ARHGAP6: variants seen among roughly 807,000 people sequenced by gnomAD.
ARHGAP6 encodes the protein rho GTPase-activating protein 6.
ARHGAP6 carries 16 observed loss-of-function variants against 55.7 expected under a neutral mutation model. That is an observed-to-expected ratio of 0.29 (90% CI 0.19 to 0.44). The LOEUF is 0.44. Among genes scored for constraint, ARHGAP6 ranks in the 20% least tolerant of loss-of-function variants. ARHGAP6 has a pLI of 1.00. For synonymous variants in ARHGAP6, 382 were observed against 360.9 expected, an observed-to-expected ratio of 1.06 and a Z score of -0.66; for missense variants, 698 against 808.9, an observed-to-expected ratio of 0.86 and a Z score of 1.66.
intron 1 of ARHGAP6, among the ~76,000 whole-genome samples, chrX:11,478,094 T>C (rs761971417): frequency 2.7e-5 from 3 of 111,906 alleles, no homozygotes; most frequent in Non-Finnish European, 5.7e-5. Context: ...GGCAAAGATA[T>C]AAATAATTAG....
rs371983081 is a variant in ARHGAP6 at position 11,179,471 on chromosome X, G to T, written c.1330-19C>A. ...CACGTAACTGGAAGAACAATGGTTCGAGTGGCAGTCACATAACACCATACC... is the reference window on the plus strand; with the variant it reads ...CACGTAACTGGAAGAACAATGGTTCTAGTGGCAGTCACATAACACCATACC... On this transcript the variant is annotated intron_variant, in intron 6 of 12. Coordinates refer to ENST00000337414, the MANE Select transcript of ARHGAP6 (RefSeq NM_013427.3). The T allele has an allele frequency of 3.2e-5, 38 of 1,197,974 alleles. No individual in the cohort carries two copies. Among genetic ancestry groups the T allele is most frequent in the Middle Eastern group, 2.6e-4 (1 of 3,797 alleles).
intron 1 of ARHGAP6, among the ~76,000 whole-genome samples, chrX:11,570,227 A>G (rs1482496053): frequency 1.8e-5 from 2 of 111,759 alleles, no homozygotes; most frequent in Admixed American, 9.6e-5. Context: ...AAAACATCAG[A>G]TCAAAAAATT....
At chrX:11,150,051 C>G (rs1029056148) in intron 10 of ARHGAP6, among the ~76,000 whole-genome samples, 1 of 111,678 alleles carries the variant, frequency 9.0e-6, no homozygotes, top group South Asian at 3.8e-4. Flanking sequence ...TCATCCATAT[C>G]TGCCTTCTCT....
chrX:11,168,699 G>A (rs111364289), intron 9 of ARHGAP6, among the ~76,000 whole-genome samples: 2,392 of 111,823 alleles, frequency 0.021, 29 homozygotes, highest in South Asian at 0.054. Flanking sequence ...AGAGAAATGG[G>A]AGAAAAAACA....
At chrX:11,457,110 A>C (rs1055916959) in intron 1 of ARHGAP6, among the ~76,000 whole-genome samples, 3 of 111,979 alleles carry the variant, frequency 2.7e-5, no homozygotes, top group Non-Finnish European at 3.8e-5. Flanking sequence ...GGAGGTCCCC[A>C]AAAACTGTGA....
At chrX:11,503,753 C>T in intron 1 of ARHGAP6, among the ~76,000 whole-genome samples, 1 of 111,181 alleles carries the variant, frequency 9.0e-6, no homozygotes, top group South Asian at 3.7e-4. Context: ...AGTTCTGCAA[C>T]TCAAAGAAAT....
At chrX:11,519,362 G>C (rs2050886898) in intron 1 of ARHGAP6, among the ~76,000 whole-genome samples, 1 of 110,116 alleles carries the variant, frequency 9.1e-6, no homozygotes, top group South Asian at 3.9e-4. Context: ...TAGTGGTTTT[G>C]ATTTGCATTT....
chrX:11,653,996 T>C (rs2052613161), intron 1 of ARHGAP6, among the ~76,000 whole-genome samples: 1 of 111,910 alleles, frequency 8.9e-6, no homozygotes, highest in Non-Finnish European at 1.9e-5. Context: ...CCATCAACGA[T>C]TATTTGACTG....
chrX:11,635,509 G>A (rs1427400786), intron 1 of ARHGAP6, among the ~76,000 whole-genome samples: 1 of 111,238 alleles, frequency 9.0e-6, no homozygotes, highest in Non-Finnish European at 1.9e-5. Flanking sequence ...CTACAATTAA[G>A]ATATTCTCAA....
At chrX:11,611,654 A>AT (rs1345725790) in intron 1 of ARHGAP6, among the ~76,000 whole-genome samples, 1 of 111,710 alleles carries the variant, frequency 9.0e-6, no homozygotes, top group Non-Finnish European at 1.9e-5. Flanking sequence ...CGCACAATGA[A>AT]TTTTTTTCAA....
chrX:11,388,917 C>G (rs776889850), intron 1 of ARHGAP6, among the ~76,000 whole-genome samples: 6 of 112,014 alleles, frequency 5.4e-5, no homozygotes, highest in Non-Finnish European at 7.5e-5. Context: ...ACAATTCACT[C>G]AGCCACAAAA....
chrX:11,264,686 A>G (rs762997371), intron 1 of ARHGAP6, among the ~76,000 whole-genome samples: 36 of 112,206 alleles, frequency 3.2e-4, no homozygotes, highest in Non-Finnish European at 6.0e-4. Flanking sequence ...TGACAGGGCC[A>G]GCAGCTGATG....
intron 2 of ARHGAP6, among the ~76,000 whole-genome samples, chrX:11,227,581 C>A (rs1304258476): frequency 9.0e-6 from 1 of 110,503 alleles, no homozygotes; most frequent in Admixed American, 9.7e-5. Context: ...CCTAGCCCTT[C>A]CCTCTTCCCA....
chrX:11,485,207 A>G (rs1265014907), intron 1 of ARHGAP6, among the ~76,000 whole-genome samples: 1 of 112,531 alleles, frequency 8.9e-6, no homozygotes, highest in Non-Finnish European at 1.9e-5. Context: ...CGTAGTTCTA[A>G]TGCATGACCA....
chrX:11,438,936 T>A (rs2147795957), intron 1 of ARHGAP6, among the ~76,000 whole-genome samples: 1 of 112,513 alleles, frequency 8.9e-6, no homozygotes. Context: ...GAGTTGAAAT[T>A]CCATAAATAG....
intron 10 of ARHGAP6, among the ~76,000 whole-genome samples, chrX:11,146,231 G>C (rs2045689566): frequency 8.9e-6 from 1 of 112,459 alleles, no homozygotes; most frequent in Non-Finnish European, 1.9e-5. Flanking sequence ...AGTGAAAGGG[G>C]GGTAGGAAGT....
In ARHGAP6 at chrX:11,302,962, C is replaced by G. The variant is rs1415103954; in HGVS notation, c.589-48255G>C. 3.6e-5 allele frequency among the ~76,000 whole-genome samples: 4 copies of G among 112,031 alleles called. No homozygotes were observed. In the East Asian group the frequency reaches 8.4e-4, roughly 23 times the overall value. On this transcript the variant is annotated intron_variant, in intron 1 of 12. Transcript: ENST00000337414. The stretch of plus-strand genomic sequence containing the variant: ...TTTTTCCTTTGGTAGTAAACAATAG[C>G]TGAAAATACCAAGACTGAGTTTAAG...
intron 1 of ARHGAP6, among the ~76,000 whole-genome samples, chrX:11,532,145 T>C (rs1461737732): frequency 8.9e-6 from 1 of 112,231 alleles, no homozygotes; most frequent in Non-Finnish European, 1.9e-5. Context: ...TGGTATTTCT[T>C]TAAAAATACA....
chrX:11,632,093 A>C (rs1208012829), intron 1 of ARHGAP6, among the ~76,000 whole-genome samples: 3 of 112,013 alleles, frequency 2.7e-5, no homozygotes, highest in Non-Finnish European at 5.6e-5. Context: ...AGTAAGAGTT[A>C]AGAATATAAT....
Sources: allele counts gnomAD v4.1 joint callset (sites outside exome capture counted in the v4.1 genomes callset), GRCh38; gene constraint gnomAD v4.1.1; transcripts MANE v1.5; gene names NCBI Gene and HGNC (gene_info 2026-07-23, HGNC 2026-07-21).